The following TTC27 variants were observed in gnomAD, a reference collection of about 807,000 sequenced individuals.
The protein encoded by TTC27 is tetratricopeptide repeat protein 27.
Under a neutral mutation model 115.9 loss-of-function variants are expected in TTC27, and 79 were observed. The observed-to-expected ratio is 0.68, with a 90% CI of 0.57 to 0.82. The LOEUF (loss-of-function observed/expected upper bound fraction) is 0.82, where lower values mean the gene tolerates loss of function less well. TTC27 is among the 40% of genes least tolerant of loss of function. TTC27 has a pLI of 0.00. For missense variants in TTC27, 1,054 were observed against 993.1 expected (o/e 1.06, Z -0.82); for synonymous variants, 401 against 356.0 (o/e 1.13, Z -1.42).
chr2:32,779,180 G>A (rs1035711029), intron 14 of TTC27, among the ~76,000 whole-genome samples: 7 of 152,014 alleles, frequency 4.6e-5, no homozygotes, highest in South Asian at 2.1e-4. Context: ...CAGAGATTGC[G>A]CCACCTTACT....
chr2:32,690,953 CCAAA>C (rs1050985371), intron 9 of TTC27, among the ~76,000 whole-genome samples: 1 of 152,104 alleles, frequency 6.6e-6, no homozygotes, highest in Non-Finnish European at 1.5e-5. Flanking sequence ...TTTAGTGTAG[CCAAA>C]CAATCACGCA....
At chr2:32,637,604 T>A (rs1417599276) in intron 3 of TTC27, among the ~76,000 whole-genome samples, 2 of 152,208 alleles carry the variant, frequency 1.3e-5, no homozygotes, top group Non-Finnish European at 2.9e-5. Flanking sequence ...GTGCTGAGAT[T>A]CCAGGTGTGA....
intron 19 of TTC27, among the ~76,000 whole-genome samples, chr2:32,820,506 T>C (rs1458038215): frequency 6.6e-6 from 1 of 152,238 alleles, no homozygotes; most frequent in Non-Finnish European, 1.5e-5. Context: ...TCATTTTGTT[T>C]AGTTGAATTA....
chr2:32,746,175 A>G (rs1043862967), intron 12 of TTC27, among the ~76,000 whole-genome samples: 8 of 152,184 alleles, frequency 5.3e-5, no homozygotes, highest in African/African-American at 1.9e-4. Flanking sequence ...CATTGCAACC[A>G]GTTGCCCATT....
intron 14 of TTC27, among the ~76,000 whole-genome samples, chr2:32,781,020 T>C (rs1343039803): frequency 3.9e-5 from 6 of 152,180 alleles, no homozygotes; most frequent in Admixed American, 6.5e-5. Flanking sequence ...GGAGAAATGT[T>C]ACATATTGCT....
At chr2:32,795,352 A>C (rs944540794) in intron 16 of TTC27, among the ~76,000 whole-genome samples, 2 of 151,890 alleles carry the variant, frequency 1.3e-5, no homozygotes, top group Non-Finnish European at 2.9e-5. Flanking sequence ...AAAAAATCTC[A>C]CCTGATTATC....
intron 2 of TTC27, among the ~76,000 whole-genome samples, chr2:32,632,826 C>T (rs1219908846): frequency 6.6e-6 from 1 of 152,064 alleles, no homozygotes; most frequent in African/African-American, 2.4e-5. Context: ...TATTTAGATC[C>T]TAATTTAGGG....
At chr2:32,778,244 T>A (rs921379267) in intron 14 of TTC27, among the ~76,000 whole-genome samples, 1 of 152,258 alleles carries the variant, frequency 6.6e-6, no homozygotes, top group Non-Finnish European at 1.5e-5. Flanking sequence ...ATATATATTT[T>A]GTCATTCATT....
chr2:32,654,995 C>CA (rs535163139), intron 5 of TTC27, among the ~76,000 whole-genome samples: 6 of 139,042 alleles, frequency 4.3e-5, no homozygotes, highest in Admixed American at 1.5e-4. Flanking sequence ...TGCGTCTGGC[C>CA]TTTTTTTTTT....
intron 3 of TTC27, among the ~76,000 whole-genome samples, chr2:32,638,073 T>C (rs1405387281): frequency 6.6e-6 from 1 of 152,240 alleles, no homozygotes; most frequent in East Asian, 1.9e-4. Context: ...ACCAATGTTC[T>C]TTCTACCAGC....
chr2:32,643,414 T>C (rs1289300486), intron 4 of TTC27, among the ~76,000 whole-genome samples: 2 of 152,044 alleles, frequency 1.3e-5, no homozygotes, highest in Admixed American at 1.3e-4. Flanking sequence ...CAAGTGATTC[T>C]CCTGCCTCAG....
intron 9 of TTC27, among the ~76,000 whole-genome samples, chr2:32,693,335 C>T (rs1166209154): frequency 1.3e-5 from 2 of 152,202 alleles, no homozygotes; most frequent in African/African-American, 4.8e-5. Context: ...GGACCAGCAG[C>T]ATCAGCGTCA....
chr2:32,800,681 G>A (rs1020858846), intron 16 of TTC27, among the ~76,000 whole-genome samples: 1 of 151,352 alleles, frequency 6.6e-6, no homozygotes, highest in Non-Finnish European at 1.5e-5. Flanking sequence ...TATTTTTTTA[G>A]TAGAAATGGG....
At chr2:32,674,526 T>C (rs553609312) in intron 8 of TTC27, among the ~76,000 whole-genome samples, 19 of 152,326 alleles carry the variant, frequency 1.2e-4, no homozygotes, top group African/African-American at 4.6e-4. Context: ...ATATATGCAA[T>C]AGTAAGTTTT....
chr2:32,814,776 A>C (rs553172716), intron 18 of TTC27, among the ~76,000 whole-genome samples: 80 of 152,328 alleles, frequency 5.3e-4, no homozygotes, highest in African/African-American at 1.7e-3. Flanking sequence ...GTAGTAGGCT[A>C]TATACCATGT....
chr2:32,801,325 G>T (rs1442399256), intron 16 of TTC27, among the ~76,000 whole-genome samples: 1 of 152,224 alleles, frequency 6.6e-6, no homozygotes, highest in Non-Finnish European at 1.5e-5. Context: ...ACTTGGCCAT[G>T]TTCCTCTGCA....
intron 10 of TTC27, among the ~76,000 whole-genome samples, chr2:32,732,199 C>T (rs74767684): frequency 0.055 from 8,330 of 152,240 alleles, 330 homozygotes; most frequent in Non-Finnish European, 0.084. Context: ...TCTCTACCCT[C>T]CCTCCCACAA....
intron 13 of TTC27, among the ~76,000 whole-genome samples, chr2:32,759,228 AC>A (rs1214352056): frequency 2.0e-5 from 3 of 152,234 alleles, no homozygotes; most frequent in Non-Finnish European, 4.4e-5. Flanking sequence ...GGCACATATA[AC>A]TGTCAATCAT....
intron 10 of TTC27, among the ~76,000 whole-genome samples, chr2:32,719,439 AT>A (rs1483131595): frequency 2.0e-5 from 3 of 152,184 alleles, no homozygotes; most frequent in Non-Finnish European, 4.4e-5. Context: ...TGCATCAAAT[AT>A]ATTAACACAG....
Sources: gnomAD v4.1 joint callset for allele counts (sites outside exome capture counted in the v4.1 genomes callset) on GRCh38, gnomAD v4.1.1 for gene constraint, MANE v1.5 for transcripts, NCBI Gene and HGNC (gene_info 2026-07-23, HGNC 2026-07-21) for gene names.